Variants in SUGCT observed in about 807,000 individuals in gnomAD.
SUGCT encodes succinyl-CoA:glutarate CoA-transferase.
Under a neutral mutation model 55.0 loss-of-function variants are expected in SUGCT, and 41 were observed. The ratio of observed to expected loss-of-function variants is 0.74; its 90% confidence interval spans 0.58 to 0.97. The LOEUF is 0.97. Ranked by LOEUF, SUGCT falls within the 50% of genes least tolerant of loss-of-function variation. The pLI, the probability that SUGCT is intolerant of heterozygous loss-of-function variation, is 0.00. For missense variants in SUGCT, 568 were observed against 547.8 expected (o/e 1.04, Z -0.37); for synonymous variants, 187 against 200.4 (o/e 0.93, Z 0.56).
intron 9 of SUGCT, among the ~76,000 whole-genome samples, chr7:40,328,650 C>G (rs1796131522): frequency 6.6e-6 from 1 of 152,118 alleles, no homozygotes; most frequent in Non-Finnish European, 1.5e-5. Flanking sequence ...AAACTCATTA[C>G]TTGTCCTAGA....
At chr7:40,231,505 G>A (rs1239748261) in intron 6 of SUGCT, among the ~76,000 whole-genome samples, 5 of 152,108 alleles carry the variant, frequency 3.3e-5, no homozygotes, top group African/African-American at 1.2e-4. Context: ...AGATTGGGTG[G>A]TAGAGAAAGC....
At chr7:40,207,686 G>A (rs766123791) in intron 6 of SUGCT, among the ~76,000 whole-genome samples, 8 of 151,714 alleles carry the variant, frequency 5.3e-5, no homozygotes, top group Non-Finnish European at 8.8e-5. Flanking sequence ...GCGTGGTGGC[G>A]GGCACCTGTA....
At chr7:40,907,544 C>T in the SUGCT span, among the ~76,000 whole-genome samples, 1 of 152,164 alleles carries the variant, frequency 6.6e-6, no homozygotes, top group Non-Finnish European at 1.5e-5. Flanking sequence ...TGCATTGCCT[C>T]ATCTAACGCT....
At chr7:41,016,815 C>T in the SUGCT span, among the ~76,000 whole-genome samples, 2,225 of 152,238 alleles carry the variant, frequency 0.015, 28 homozygotes, top group Admixed American at 0.022. Context: ...TGGCTTCCTG[C>T]GTCTTGTGAA....
intron 12 of SUGCT, among the ~76,000 whole-genome samples, chr7:40,675,640 G>A (rs1783935188): frequency 6.6e-6 from 1 of 152,136 alleles, no homozygotes; most frequent in Non-Finnish European, 1.5e-5. Context: ...ATGGGAGTTG[G>A]GCAAAAAGAG....
In SUGCT at chr7:40,708,155, A is replaced by G. The variant is rs144493837; in HGVS notation, c.1090-41279A>G. Among the ~76,000 whole-genome samples the G allele has an allele frequency of 5.3e-5, 8 of 152,318 alleles. No homozygotes were observed. The East Asian group carries it at 1.4e-3, about 26-fold the overall frequency. On this transcript the variant is annotated intron_variant, in intron 12 of 13. Transcript: ENST00000335693. The stretch of plus-strand genomic sequence containing the variant: ...TTAAAGTGACAGGAAGCAGAGAGAT[A>G]TATTAGTACTATTGAAGTATTTCAG...
At chr7:40,565,967 T>TCACACACA (rs377518526) in intron 12 of SUGCT, among the ~76,000 whole-genome samples, 2 of 134,754 alleles carry the variant, frequency 1.5e-5, no homozygotes, top group African/African-American at 2.8e-5. Flanking sequence ...ACCTGGCATA[T>TCACACACA]CACACACACA....
At chr7:41,027,293 G>C in the SUGCT span, among the ~76,000 whole-genome samples, 1 of 152,148 alleles carries the variant, frequency 6.6e-6, no homozygotes, top group African/African-American at 2.4e-5. Context: ...ATTGCTCTCG[G>C]TACCATTAGT....
the SUGCT span, among the ~76,000 whole-genome samples, chr7:40,950,386 A>G: frequency 6.6e-6 from 1 of 152,170 alleles, no homozygotes; most frequent in Admixed American, 6.5e-5. Context: ...TAGATATACA[A>G]CCATGTCATC....
At chr7:40,290,826 C>T (rs1335057530) in intron 8 of SUGCT, among the ~76,000 whole-genome samples, 1 of 152,044 alleles carries the variant, frequency 6.6e-6, no homozygotes, top group Admixed American at 6.6e-5. Flanking sequence ...ACAGACAATC[C>T]CATCAAAAAG....
rs543618405 is a variant in SUGCT at position 40,508,108 on chromosome 7, G to T, written c.1089+11722G>T. On this transcript the variant is annotated intron_variant, in intron 12 of 13. Coordinates refer to ENST00000335693, the MANE Select transcript of SUGCT (RefSeq NM_001193313.2). ...TACCTTTCTGCCAGGCCAAAACCTT[G>T]TTGCCACTGTACCAGACTTCTGGGG... 5.9e-5 allele frequency among the ~76,000 whole-genome samples: 9 copies of T among 152,256 alleles called. 1 individual carries two copies. In the South Asian group the frequency reaches 1.7e-3, roughly 28 times the overall value.
At chr7:40,834,825 A>G (rs1226797597) in intron 13 of SUGCT, among the ~76,000 whole-genome samples, 1 of 152,234 alleles carries the variant, frequency 6.6e-6, no homozygotes, top group Middle Eastern at 3.2e-3. Context: ...CTGTTTAGAC[A>G]TCAGTAACAA....
chr7:40,661,715 TC>T (rs1464631870), intron 12 of SUGCT, among the ~76,000 whole-genome samples: 1 of 152,198 alleles, frequency 6.6e-6, no homozygotes, highest in African/African-American at 2.4e-5. Flanking sequence ...ATACTCAGCC[TC>T]TCAGCAGCCA....
At chr7:40,827,302 G>A (rs1563030560) in intron 13 of SUGCT, among the ~76,000 whole-genome samples, 1 of 152,252 alleles carries the variant, frequency 6.6e-6, no homozygotes, top group East Asian at 1.9e-4. Context: ...CCCCTGCTCT[G>A]ATACATTCCA....
At chr7:40,557,376 G>T (rs1228499907) in intron 12 of SUGCT, among the ~76,000 whole-genome samples, 3 of 152,164 alleles carry the variant, frequency 2.0e-5, no homozygotes, top group African/African-American at 7.2e-5. Context: ...CACGACAGTG[G>T]ATTTGGCAAT....
chr7:40,616,369 T>A (rs1255610506), intron 12 of SUGCT, among the ~76,000 whole-genome samples: 1 of 152,068 alleles, frequency 6.6e-6, no homozygotes, highest in Non-Finnish European at 1.5e-5. Context: ...CTAATTTTTG[T>A]GTTTTTAGTA....
chr7:40,269,751 G>A (rs1288848073), intron 7 of SUGCT, among the ~76,000 whole-genome samples: 1 of 152,136 alleles, frequency 6.6e-6, no homozygotes, highest in Non-Finnish European at 1.5e-5. Flanking sequence ...ATGACCATTT[G>A]TATATTTTCT....
intron 13 of SUGCT, among the ~76,000 whole-genome samples, chr7:40,837,263 C>T (rs1793034219): frequency 6.6e-6 from 1 of 152,040 alleles, no homozygotes; most frequent in Non-Finnish European, 1.5e-5. Context: ...GTTTTTTGCT[C>T]ATTTTCTAAC....
chr7:40,587,766 C>T (rs1301173659), intron 12 of SUGCT, among the ~76,000 whole-genome samples: 4 of 152,168 alleles, frequency 2.6e-5, no homozygotes, highest in African/African-American at 9.6e-5. Flanking sequence ...TAAAATTTTT[C>T]AATACATAAT....
Sources: gnomAD v4.1 joint callset for allele counts (sites outside exome capture counted in the v4.1 genomes callset) on GRCh38, gnomAD v4.1.1 for gene constraint, MANE v1.5 for transcripts, NCBI Gene and HGNC (gene_info 2026-07-23, HGNC 2026-07-21) for gene names.